Variants in NCOR1 observed in about 807,000 individuals in gnomAD.
NCOR1 encodes nuclear receptor corepressor 1.
A neutral mutation model predicts 288.1 loss-of-function variants in NCOR1; 63 were observed. That is an observed-to-expected ratio of 0.22 (90% CI 0.18 to 0.27). The LOEUF (loss-of-function observed/expected upper bound fraction) is 0.27, where lower values mean the gene tolerates loss of function less well. Ranked by LOEUF, NCOR1 falls within the 10% of genes least tolerant of loss-of-function variation. The pLI, the probability that NCOR1 is intolerant of heterozygous loss-of-function variation, is 1.00. For synonymous variants in NCOR1, 1,007 were observed against 1,065.9 expected (o/e 0.94, Z 1.08); for missense variants, 2,397 against 3,019.2 (o/e 0.79, Z 4.83).
intron 16 of NCOR1, 24 bp downstream of exon 16, chr17:16,121,028 T>C (rs1342801193): frequency 5.0e-6 from 8 of 1,602,274 alleles, no homozygotes; most frequent in Non-Finnish European, 6.8e-6. Flanking sequence ...TTATGGCCTG[T>C]TTATGCCAAT....
At chr17:16,209,577 A>T (rs1273671031) in intron 1 of NCOR1, among the ~76,000 whole-genome samples, 1 of 151,920 alleles carries the variant, frequency 6.6e-6, no homozygotes, top group Non-Finnish European at 1.5e-5. Flanking sequence ...ATTAAAATAA[A>T]ATAAATTTTA....
At chr17:16,192,493 T>C (rs1407227017) in intron 2 of NCOR1, among the ~76,000 whole-genome samples, 3 of 152,082 alleles carry the variant, frequency 2.0e-5, no homozygotes, top group Non-Finnish European at 4.4e-5. Context: ...CCATCTCTAC[T>C]AAAAATACAA....
At chr17:16,145,471 GC>G (rs1160404822) in intron 10 of NCOR1, among the ~76,000 whole-genome samples, 2 of 133,476 alleles carry the variant, frequency 1.5e-5, no homozygotes, top group Non-Finnish European at 3.5e-5. Context: ...CGGCCCCACC[GC>G]CCCGTCTGGG....
intron 1 of NCOR1, among the ~76,000 whole-genome samples, chr17:16,208,530 A>G (rs542913552): frequency 1.3e-5 from 2 of 152,160 alleles, no homozygotes; most frequent in East Asian, 1.9e-4. Flanking sequence ...AAATTCCAAT[A>G]AACAGAATTT....
chr17:16,127,020 T>C (rs1032843524), intron 14 of NCOR1, among the ~76,000 whole-genome samples: 2 of 152,114 alleles, frequency 1.3e-5, no homozygotes, highest in African/African-American at 4.8e-5. Flanking sequence ...TATTACAGTA[T>C]ATTGCTATAA....
chr17:16,164,168 G>A (rs1056265983), intron 5 of NCOR1, among the ~76,000 whole-genome samples: 1 of 151,612 alleles, frequency 6.6e-6, no homozygotes, highest in East Asian at 1.9e-4. Context: ...TTGAACCTGG[G>A]AGACAGAGGT....
intron 3 of NCOR1, among the ~76,000 whole-genome samples, chr17:16,182,363 T>C (rs2153509617): frequency 6.6e-6 from 1 of 152,344 alleles, no homozygotes; most frequent in South Asian, 2.1e-4. Flanking sequence ...GATCTACTAC[T>C]ACTAATTGTC....
chr17:16,153,840 T>C (rs2079252003), intron 6 of NCOR1, among the ~76,000 whole-genome samples: 1 of 152,106 alleles, frequency 6.6e-6, no homozygotes, highest in African/African-American at 2.4e-5. Flanking sequence ...GGCCACTCTT[T>C]ACTATGGTGA....
At chr17:16,119,222 G>A (rs972478929) in intron 17 of NCOR1, among the ~76,000 whole-genome samples, 1 of 151,950 alleles carries the variant, frequency 6.6e-6, no homozygotes, top group African/African-American at 2.4e-5. Context: ...TTAAAACTGG[G>A]CATCTTAAAC....
chr17:16,191,589 T>TAA (rs2088312833), intron 2 of NCOR1, among the ~76,000 whole-genome samples: 2 of 101,366 alleles, frequency 2.0e-5, no homozygotes, highest in Non-Finnish European at 4.7e-5. Flanking sequence ...GCTAATGGAT[T>TAA]TAAAAAAAAT....
chr17:16,159,528 A>G (rs183507870), intron 5 of NCOR1, among the ~76,000 whole-genome samples: 20 of 152,214 alleles, frequency 1.3e-4, no homozygotes, highest in Admixed American at 1.2e-3. Flanking sequence ...GACCTTTGAC[A>G]GCACTGAAAA....
chr17:16,158,951 A>C (rs2080266893), intron 5 of NCOR1, 78 bp from the exon 6 acceptor site: 1 of 946,270 alleles, frequency 1.1e-6, no homozygotes. Flanking sequence ...GAGATAACAC[A>C]GGCTACTAAG....
intron 4 of NCOR1, 132 bp from the exon 5 acceptor site, chr17:16,165,293 A>C (rs1208665087): frequency 3.1e-6 from 2 of 652,974 alleles, no homozygotes; most frequent in Non-Finnish European, 5.1e-6. Context: ...TTTTAGTAGT[A>C]ACTTTCATAT....
chr17:16,071,229 G>A (rs1390335438), intron 30 of NCOR1, among the ~76,000 whole-genome samples, 180 bp downstream of exon 30: 1 of 151,574 alleles, frequency 6.6e-6, no homozygotes, highest in African/African-American at 2.4e-5. Context: ...ATAGTGAGCT[G>A]TGATCACACA....
chr17:16,174,813 C>T (rs2083787243), intron 3 of NCOR1, among the ~76,000 whole-genome samples: 1 of 152,090 alleles, frequency 6.6e-6, no homozygotes, highest in African/African-American at 2.4e-5. Context: ...GAATGGTATA[C>T]TTTGAAAACG....
intron 37 of NCOR1, 62 bp from the exon 38 acceptor site, chr17:16,058,661 T>A: frequency 6.8e-7 from 1 of 1,478,712 alleles, no homozygotes; most frequent in Non-Finnish European, 9.3e-7. Context: ...AAGTCTAAGT[T>A]CTTCACACCT....
At chr17:16,061,953 T>G (rs2060588176) in intron 36 of NCOR1, 59 bp from the exon 37 acceptor site, 6 of 1,566,350 alleles carry the variant, frequency 3.8e-6, no homozygotes, top group Non-Finnish European at 5.2e-6. Context: ...GGGAATGTGG[T>G]GGGGAGATGG....
intron 34 of NCOR1, 116 bp from the exon 35 acceptor site, chr17:16,064,303 T>C (rs1047664692): frequency 2.2e-6 from 3 of 1,386,170 alleles, no homozygotes; most frequent in Non-Finnish European, 2.9e-6. Context: ...ATTTGGGATA[T>C]AAGAAGTTTG....
chr17:16,120,530 G>A (rs1402034821), intron 16 of NCOR1, among the ~76,000 whole-genome samples: 1 of 151,974 alleles, frequency 6.6e-6, no homozygotes, highest in Non-Finnish European at 1.5e-5. Flanking sequence ...CATTAATCTA[G>A]CCTTTTTATA....
Sources: gnomAD v4.1 joint callset for allele counts (sites outside exome capture counted in the v4.1 genomes callset) on GRCh38, gnomAD v4.1.1 for gene constraint, MANE v1.5 for transcripts, NCBI Gene and HGNC (gene_info 2026-07-23, HGNC 2026-07-21) for gene names.